TMEM131L: variants seen among roughly 807,000 people sequenced by gnomAD.
TMEM131L encodes transmembrane protein 131-like.
TMEM131L carries 54 observed loss-of-function variants against 192.2 expected under a neutral mutation model. The ratio of observed to expected loss-of-function variants is 0.28; its 90% CI spans 0.23 to 0.35. The LOEUF (loss-of-function observed/expected upper bound fraction) is 0.35, where lower values mean the gene tolerates loss of function less well. Among genes scored for constraint, TMEM131L ranks in the 10% least tolerant of loss-of-function variants. The probability of loss-of-function intolerance (pLI) is 1.00; values close to 1 mark genes in which losing one functional copy is unlikely to be tolerated. For missense variants in TMEM131L, 1,888 were observed against 1,972.9 expected (o/e 0.96, Z 0.82); for synonymous variants, 701 against 704.9 (o/e 0.99, Z 0.09).
At chr4:153,606,241 C>T (rs561526027) in intron 25 of TMEM131L, among the ~76,000 whole-genome samples, 5 of 152,286 alleles carry the variant, frequency 3.3e-5, no homozygotes, top group East Asian at 1.9e-4. Flanking sequence ...TCCCCTGTTA[C>T]GTGAGTCTTT....
intron 5 of TMEM131L, 146 bp downstream of exon 5, chr4:153,556,056 C>T (rs1224827707): frequency 4.8e-6 from 2 of 419,834 alleles, no homozygotes; most frequent in African/African-American, 5.4e-5. Context: ...TTTACCTTAG[C>T]ATTTACTTTT....
intron 7 of TMEM131L, among the ~76,000 whole-genome samples, chr4:153,577,838 A>G (rs537606950): frequency 1.3e-5 from 2 of 152,350 alleles, no homozygotes; most frequent in African/African-American, 4.8e-5. Flanking sequence ...AAGATGAGGC[A>G]CACAGCAAAG....
At chr4:153,596,748 T>C (rs991101066) in intron 20 of TMEM131L, among the ~76,000 whole-genome samples, 2 of 152,260 alleles carry the variant, frequency 1.3e-5, no homozygotes, top group African/African-American at 4.8e-5. Flanking sequence ...TTTCAGTCTT[T>C]AGTATTTGAA....
rs147340534 is a variant in TMEM131L, at chr4:153,523,356, G to A, written c.240-26717G>A. ...ATGGAATTCCTTCTATAAGACGTGA[G>A]ATTAGGCAGTTTGCCTTAAGCTAGC... On this transcript the variant is annotated intron_variant, in intron 3 of 34. Transcript: ENST00000409959. Among the ~76,000 whole-genome samples the A allele has an allele frequency of 2.6e-3, 393 of 152,320 alleles. 3 individuals are homozygous for A. The highest frequency in any genetic ancestry group is 8.7e-3 in the East Asian group (45 of 5,190).
intron 30 of TMEM131L, 38 bp downstream of exon 30, chr4:153,626,263 G>A (rs1733837231): frequency 8.0e-7 from 1 of 1,256,686 alleles, no homozygotes; most frequent in African/African-American, 1.5e-5. Context: ...AGTATGTTTT[G>A]TGTACTGCTT....
At chr4:153,536,405 A>T (rs761946949) in intron 3 of TMEM131L, among the ~76,000 whole-genome samples, 5 of 152,212 alleles carry the variant, frequency 3.3e-5, no homozygotes, top group Non-Finnish European at 7.3e-5. Flanking sequence ...ATAATTAAGA[A>T]CAATTAAGTT....
chr4:153,521,285 G>T (rs565313569), intron 3 of TMEM131L, among the ~76,000 whole-genome samples: 1 of 152,128 alleles, frequency 6.6e-6, no homozygotes, highest in Non-Finnish European at 1.5e-5. Context: ...AAGGGGCGGG[G>T]TGGTTATTGC....
At chr4:153,466,962 C>T (rs950203105) in intron 1 of TMEM131L, among the ~76,000 whole-genome samples, 6 of 152,168 alleles carry the variant, frequency 3.9e-5, no homozygotes, top group Non-Finnish European at 7.3e-5. Flanking sequence ...CCCACTTCGT[C>T]CCCCCACCCC....
intron 3 of TMEM131L, among the ~76,000 whole-genome samples, chr4:153,478,418 T>C (rs1731699757): frequency 6.6e-6 from 1 of 152,254 alleles, no homozygotes; most frequent in African/African-American, 2.4e-5. Flanking sequence ...TTAGAGTAGA[T>C]TTAAATTTAT....
intron 26 of TMEM131L, among the ~76,000 whole-genome samples, chr4:153,617,303 C>G (rs961312911): frequency 6.6e-6 from 1 of 152,192 alleles, no homozygotes; most frequent in South Asian, 2.1e-4. Flanking sequence ...AAACCTCTTT[C>G]TTTTGTAAAT....
In TMEM131L at chr4:153,603,809, T is replaced by C. The variant is rs201606828; in HGVS notation, c.2797T>C (p.Cys933Arg). ...TTTTCTTCTTAAATTCAGAAGCAAT[T>C]GCAAGAACTTTCTCGATACATATGG... The part of the protein sequence containing the change: ...VISPHSYKSN[C>R]KNFLDTYGPS... Residue 933 changes from cysteine (C) to arginine (R), a missense_variant, in exon 25 of 35, where the codon TGC becomes CGC. Transcript: ENST00000409959. 58 of 1,575,768 alleles carry C rather than the reference T, an allele frequency of 3.7e-5. No individual in the cohort carries two copies. In the Admixed American group the frequency reaches 1.1e-3, roughly 30 times the overall value.
chr4:153,618,243 C>T (rs373643928), intron 26 of TMEM131L, among the ~76,000 whole-genome samples: 94 of 151,898 alleles, frequency 6.2e-4, no homozygotes, highest in African/African-American at 2.1e-3. Context: ...GTTCAGCTGA[C>T]GCAGGAGAAT....
intron 3 of TMEM131L, among the ~76,000 whole-genome samples, chr4:153,506,168 C>G (rs188138828): frequency 2.0e-5 from 3 of 152,126 alleles, no homozygotes; most frequent in South Asian, 4.1e-4. Flanking sequence ...GAAGAGCCCA[C>G]CAGGTGATAC....
intron 3 of TMEM131L, among the ~76,000 whole-genome samples, chr4:153,543,010 C>T (rs1035796409): frequency 6.6e-6 from 1 of 152,236 alleles, no homozygotes; most frequent in African/African-American, 2.4e-5. Flanking sequence ...GGCTGCTGTA[C>T]ATCCCCAGGT....
intron 27 of TMEM131L, 93 bp downstream of exon 27, chr4:153,620,973 A>G: frequency 3.5e-6 from 3 of 850,756 alleles, no homozygotes; most frequent in East Asian, 5.6e-5. Context: ...TTTCGGTGAT[A>G]TTAGATACCG....
At chr4:153,556,748 G>A (rs981082226) in intron 5 of TMEM131L, among the ~76,000 whole-genome samples, 1 of 152,198 alleles carries the variant, frequency 6.6e-6, no homozygotes, top group Non-Finnish European at 1.5e-5. Context: ...AGTCTGAAGC[G>A]AAAGGATTCA....
chr4:153,599,552 G>A (rs1731686737), intron 21 of TMEM131L, among the ~76,000 whole-genome samples: 1 of 152,162 alleles, frequency 6.6e-6, no homozygotes, highest in African/African-American at 2.4e-5. Flanking sequence ...AAAAGATTGT[G>A]TAATTGCTAA....
intron 3 of TMEM131L, among the ~76,000 whole-genome samples, chr4:153,522,181 C>T (rs949525633): frequency 6.6e-5 from 10 of 152,024 alleles, no homozygotes; most frequent in African/African-American, 2.2e-4. Flanking sequence ...GGAGGAGAAA[C>T]GTGGAGTGGT....
intron 15 of TMEM131L, among the ~76,000 whole-genome samples, chr4:153,588,059 C>G (rs199617015): frequency 9.8e-6 from 1 of 101,690 alleles, no homozygotes; most frequent in African/African-American, 3.7e-5. Context: ...TTTTTTTTTT[C>G]AAATAACATT....
Sources: gnomAD v4.1 joint callset for allele counts (sites outside exome capture counted in the v4.1 genomes callset) on GRCh38, gnomAD v4.1.1 for gene constraint, MANE v1.5 for transcripts, NCBI Gene and HGNC (gene_info 2026-07-23, HGNC 2026-07-21) for gene names.